The following DOCK1 variants were observed in gnomAD, a reference collection of about 807,000 sequenced individuals.
The protein encoded by DOCK1 is dedicator of cytokinesis 1, also known as dedicator of cytokinesis protein 1.
In DOCK1, 138 loss-of-function variants were observed where a neutral mutation model predicts 262.7. The observed-to-expected ratio is 0.53, with a 90% CI of 0.46 to 0.61. The LOEUF is 0.61. Among genes scored for constraint, DOCK1 ranks in the 20% least tolerant of loss-of-function variants. The probability of loss-of-function intolerance (pLI) is 0.00; values close to 1 mark genes in which losing one functional copy is unlikely to be tolerated. For missense variants in DOCK1, 1,908 were observed against 2,370.7 expected (o/e 0.80, Z 4.05); for synonymous variants, 866 against 867.4 (o/e 1.00, Z 0.03).
At chr10:127,164,560 A>T (rs897675137) in intron 27 of DOCK1, among the ~76,000 whole-genome samples, 1 of 152,182 alleles carries the variant, frequency 6.6e-6, no homozygotes, top group Non-Finnish European at 1.5e-5. Flanking sequence ...CAGAGCCATC[A>T]TGCATGATGA....
At chr10:126,980,916 T>C (rs1272720519) in intron 3 of DOCK1, among the ~76,000 whole-genome samples, 1 of 152,068 alleles carries the variant, frequency 6.6e-6, no homozygotes, top group Non-Finnish European at 1.5e-5. Flanking sequence ...AAGGGAGTTA[T>C]TTTGCTTGCT....
chr10:127,202,446 G>A (rs375756704), intron 27 of DOCK1, among the ~76,000 whole-genome samples: 20 of 152,252 alleles, frequency 1.3e-4, no homozygotes, highest in East Asian at 9.7e-4. Flanking sequence ...CTTCTGCCCC[G>A]GTGCACAGGA....
chr10:127,241,793 T>A (rs762934177), intron 27 of DOCK1, among the ~76,000 whole-genome samples: 26 of 152,264 alleles, frequency 1.7e-4, no homozygotes, highest in Middle Eastern at 3.4e-3. Flanking sequence ...AGGTGGTTCT[T>A]GTCATTTTCT....
At chr10:127,018,532 T>C in intron 12 of DOCK1, 178 bp from the exon 13 acceptor site, 1 of 871,386 alleles carries the variant, frequency 1.1e-6, no homozygotes, top group Non-Finnish European at 1.7e-6. Flanking sequence ...GTTGGATGCA[T>C]GGAGTCCCCA....
chr10:127,302,039 TG>T (rs1287497871), intron 29 of DOCK1, among the ~76,000 whole-genome samples: 1 of 151,672 alleles, frequency 6.6e-6, no homozygotes, highest in Admixed American at 6.6e-5. Flanking sequence ...AGTGGCCCTG[TG>T]GGTTTGCATG....
At chr10:126,981,239 G>A (rs544429789) in intron 3 of DOCK1, among the ~76,000 whole-genome samples, 1 of 152,068 alleles carries the variant, frequency 6.6e-6, no homozygotes, top group Non-Finnish European at 1.5e-5. Flanking sequence ...GCCTGGCCTC[G>A]GACCCAAACT....
At chr10:127,239,246 A>C (rs2059177577) in intron 27 of DOCK1, among the ~76,000 whole-genome samples, 2 of 152,222 alleles carry the variant, frequency 1.3e-5, no homozygotes, top group Non-Finnish European at 2.9e-5. Flanking sequence ...GTGTTTGAGC[A>C]TACAACCGCA....
At chr10:127,132,901 T>G (rs1360822793) in intron 27 of DOCK1, among the ~76,000 whole-genome samples, 1 of 152,192 alleles carries the variant, frequency 6.6e-6, no homozygotes, top group Non-Finnish European at 1.5e-5. Flanking sequence ...AATGTGGGCT[T>G]CTTTTAAGGA....
At chr10:127,203,846 A>G (rs2057587375) in intron 27 of DOCK1, among the ~76,000 whole-genome samples, 1 of 152,158 alleles carries the variant, frequency 6.6e-6, no homozygotes. Context: ...CACTAACTAA[A>G]GTTAAAGTAA....
chr10:127,093,242 CTTTTTTTTTTT>C (rs200302331), intron 23 of DOCK1, among the ~76,000 whole-genome samples: 76 of 79,276 alleles, frequency 9.6e-4, no homozygotes, highest in African/African-American at 3.9e-3. Flanking sequence ...TTTCTTTCTT[CTTTTTTTTTTT>C]TTTTTTTTTG....
chr10:127,349,695 G>A (rs1590625923), intron 31 of DOCK1, among the ~76,000 whole-genome samples: 1 of 152,226 alleles, frequency 6.6e-6, no homozygotes, highest in Non-Finnish European at 1.5e-5. Flanking sequence ...TCAAGGTGTG[G>A]GCAGTGTTGG....
intron 38 of DOCK1, among the ~76,000 whole-genome samples, chr10:127,397,110 G>A (rs1301397341): frequency 2.7e-5 from 4 of 146,548 alleles, no homozygotes; most frequent in African/African-American, 1.1e-4. Flanking sequence ...TCAGTTACAC[G>A]GGCGGTGTCT....
chr10:127,155,888 G>A lies in DOCK1; in HGVS notation c.2847+28124G>A, dbSNP rs540474548. Among the ~76,000 whole-genome samples, 5 of 152,314 alleles carry A rather than the reference G, an allele frequency of 3.3e-5. No individual in the cohort carries two copies. The South Asian group carries it at 1.0e-3, about 32-fold the overall frequency. On this transcript the variant is annotated intron_variant, in intron 27 of 51. Transcript: ENST00000623213. ...TGCTGGCAATGGCACGGTCCACGCTGAATGTGTTGTTAAACTGTTGGCTTG... is the reference window on the plus strand; with the variant it reads ...TGCTGGCAATGGCACGGTCCACGCTAAATGTGTTGTTAAACTGTTGGCTTG...
intron 29 of DOCK1, among the ~76,000 whole-genome samples, chr10:127,301,219 T>C (rs116382106): frequency 1.3e-5 from 2 of 152,274 alleles, no homozygotes; most frequent in African/African-American, 4.8e-5. Context: ...TCAGTGTCAC[T>C]TGAGTGCTAG....
At chr10:126,926,672 G>A (rs1398535127) in intron 1 of DOCK1, among the ~76,000 whole-genome samples, 1 of 152,186 alleles carries the variant, frequency 6.6e-6, no homozygotes, top group East Asian at 1.9e-4. Flanking sequence ...AATCCAATAT[G>A]CCTGGTGTCC....
At chr10:127,255,556 A>G (rs1394914317) in intron 28 of DOCK1, among the ~76,000 whole-genome samples, 1 of 152,230 alleles carries the variant, frequency 6.6e-6, no homozygotes, top group Non-Finnish European at 1.5e-5. Flanking sequence ...GTTAGGGGCC[A>G]CCGCCATGGC....
intron 38 of DOCK1, among the ~76,000 whole-genome samples, chr10:127,389,875 G>A (rs897577121): frequency 6.6e-5 from 10 of 152,082 alleles, no homozygotes; most frequent in African/African-American, 9.7e-5. Flanking sequence ...TTAGCCCATC[G>A]TGGTGGCAGG....
chr10:127,399,357 G>A (rs926424148), intron 38 of DOCK1, among the ~76,000 whole-genome samples: 8 of 152,054 alleles, frequency 5.3e-5, no homozygotes, highest in African/African-American at 1.9e-4. Context: ...CCTTCTCTCT[G>A]GCACGGAAAC....
intron 21 of DOCK1, among the ~76,000 whole-genome samples, chr10:127,047,634 CATT>C (rs2044437126): frequency 6.6e-6 from 1 of 152,154 alleles, no homozygotes; most frequent in Admixed American, 6.5e-5. Context: ...AAGACATTGC[CATT>C]CCCCACAAAC....
Sources: allele counts gnomAD v4.1 joint callset (sites outside exome capture counted in the v4.1 genomes callset), GRCh38; gene constraint gnomAD v4.1.1; transcripts MANE v1.5; gene names NCBI Gene and HGNC (gene_info 2026-07-23, HGNC 2026-07-21).